Variants in ITGA2 observed in about 807,000 individuals in gnomAD.
ITGA2 encodes the protein integrin subunit alpha 2.
ITGA2 carries 101 observed loss-of-function variants against 146.3 expected under a neutral mutation model. That is an observed-to-expected ratio of 0.69 (90% CI 0.59 to 0.81). ITGA2 has a LOEUF of 0.81. Ranked by LOEUF, ITGA2 falls within the 40% of genes least tolerant of loss-of-function variation. ITGA2 has a pLI of 0.00. For synonymous variants in ITGA2, 477 were observed against 487.1 expected, an observed-to-expected ratio of 0.98 and a Z score of 0.27; for missense variants, 1,281 against 1,402.7, an observed-to-expected ratio of 0.91 and a Z score of 1.39.
rs117617965 is a variant in ITGA2 at position 53,047,060 on chromosome 5, A to G, written c.388-1303A>G. On this transcript the variant is annotated intron_variant, in intron 4 of 29. Transcript: ENST00000296585. ...AAGACATTAATAATGACTTTCTTCTAATTAATTGGCAAAATAAATCAGTTT... is the reference window on the plus strand; with the variant it reads ...AAGACATTAATAATGACTTTCTTCTGATTAATTGGCAAAATAAATCAGTTT... Among the ~76,000 whole-genome samples the G allele has an allele frequency of 1.2e-3, 185 of 152,346 alleles. 1 individual carries two copies. The South Asian group carries it at 0.027, about 22-fold the overall frequency.
rs116477735 is a variant in ITGA2, at chr5:52,990,977, G to A, written c.64+1445G>A. Among the ~76,000 whole-genome samples, 126 of 152,250 alleles carry A rather than the reference G, an allele frequency of 8.3e-4. 1 individual carries two copies. The highest frequency in any genetic ancestry group is 1.5e-3 in the Non-Finnish European group (100 of 68,026). On this transcript the variant is annotated intron_variant, in intron 1 of 29. Coordinates refer to ENST00000296585, the MANE Select transcript of ITGA2 (RefSeq NM_002203.4). ...TAATTACCCAGTATTAAAATAAGCT[G>A]TGGAAACATAACATCATTTTCTTAT...
At position 53,090,717 on chromosome 5, in the gene ITGA2, C is replaced by A; in HGVS notation, c.*118C>A. 1.4e-6 allele frequency: 1 copy of A among 731,006 alleles called. No homozygotes were observed. Among genetic ancestry groups the A allele is most frequent in the African/African-American group, 2.1e-5 (1 of 47,676 alleles). 45.3% of individuals were successfully genotyped at this position (731,006 alleles called of 1,614,324 possible). ...TTTATCATGTCGTAGGTAAACTAACCTGGTATTTTAAGAGAAAACTGCAGG... is the reference window on the plus strand; with the variant it reads ...TTTATCATGTCGTAGGTAAACTAACATGGTATTTTAAGAGAAAACTGCAGG... On this transcript the variant is annotated 3_prime_UTR_variant, in exon 30 of 30. Coordinates refer to ENST00000296585, the MANE Select transcript of ITGA2 (RefSeq NM_002203.4).
At chr5:53,016,968 C>T (rs1366360155) in intron 1 of ITGA2, among the ~76,000 whole-genome samples, 2 of 152,150 alleles carry the variant, frequency 1.3e-5, no homozygotes, top group African/African-American at 4.8e-5. Flanking sequence ...GTCATTTTGT[C>T]TTTCAGCTCC....
intron 1 of ITGA2, among the ~76,000 whole-genome samples, chr5:53,020,308 A>C (rs1464193794): frequency 1.3e-5 from 2 of 152,194 alleles, no homozygotes; most frequent in African/African-American, 4.8e-5. Context: ...GATATGAACA[A>C]GTTTATACAA....
intron 28 of ITGA2, among the ~76,000 whole-genome samples, chr5:53,087,326 C>CT (rs974750436): frequency 1.3e-5 from 2 of 152,142 alleles, no homozygotes; most frequent in African/African-American, 4.8e-5. Flanking sequence ...GCTCTATGTT[C>CT]TTTGGGACTC....
At chr5:52,995,353 G>A (rs189497044) in intron 1 of ITGA2, among the ~76,000 whole-genome samples, 49 of 152,266 alleles carry the variant, frequency 3.2e-4, no homozygotes, top group Admixed American at 1.0e-3. Flanking sequence ...ATATGTTTGG[G>A]TTTTAGTTTT....
intron 9 of ITGA2, among the ~76,000 whole-genome samples, chr5:53,057,170 A>G (rs908446652): frequency 3.0e-4 from 45 of 152,008 alleles, no homozygotes; most frequent in African/African-American, 1.0e-3. Flanking sequence ...AACAATTGCA[A>G]TCTACAAGCT....
At chr5:53,078,191 A>G (rs1191488726) in intron 23 of ITGA2, among the ~76,000 whole-genome samples, 2 of 152,118 alleles carry the variant, frequency 1.3e-5, no homozygotes, top group Non-Finnish European at 2.9e-5. Context: ...ATCCATCTTA[A>G]AGGTGGTCTC....
intron 28 of ITGA2, among the ~76,000 whole-genome samples, chr5:53,088,523 T>C (rs1338804932): frequency 6.6e-6 from 1 of 151,846 alleles, no homozygotes; most frequent in Non-Finnish European, 1.5e-5. Flanking sequence ...CTGTCTCTAC[T>C]AAAAATACAA....
At chr5:52,992,064 C>T (rs1740986236) in intron 1 of ITGA2, among the ~76,000 whole-genome samples, 1 of 152,208 alleles carries the variant, frequency 6.6e-6, no homozygotes, top group African/African-American at 2.4e-5. Context: ...ACTCATCCCT[C>T]TTCAGTGCAC....
In ITGA2 at chr5:53,075,363, T is replaced by C. The variant is rs762348977; in HGVS notation, c.2825+59T>C. The C allele has an allele frequency of 7.1e-5, 100 of 1,399,064 alleles. 1 individual carries two copies. Among genetic ancestry groups the C allele is most frequent in the Non-Finnish European group, 9.6e-5 (95 of 986,736 alleles). The allele number at this position is 1,399,064 out of a possible 1,614,324, so 86.7% of individuals were successfully genotyped here. A position where few individuals can be genotyped will look rare whatever the true frequency, so the allele number is the denominator to read the frequency against. ...ACACCAACTCTAGATCAGAAGATTT[T>C]TGGCTCATGGCTAAAGAAGTCCTCT... On this transcript the variant is annotated intron_variant, in intron 23 of 29. Coordinates refer to ENST00000296585, the MANE Select transcript of ITGA2 (RefSeq NM_002203.4).
At position 53,033,256 on chromosome 5, in the gene ITGA2, G is replaced by A. The variant is rs556828072; in HGVS notation, c.185+6388G>A. Among the ~76,000 whole-genome samples, 9 of 141,116 alleles carry A rather than the reference G, an allele frequency of 6.4e-5. No individual in the cohort carries two copies. In the South Asian group the frequency reaches 1.9e-3, roughly 29 times the overall value. The allele number at this position is 141,116 out of a possible 152,430, so 92.6% of individuals were successfully genotyped here. A position where few individuals can be genotyped will look rare whatever the true frequency, so the allele number is the denominator to read the frequency against. On this transcript the variant is annotated intron_variant, in intron 2 of 29. Transcript: ENST00000296585. ...TGCAGTCTAGCCTTGGCAACAGAGG[G>A]AGATTCCATCTCAAAAAAAAAACTG... is the stretch of plus-strand genomic sequence containing the variant.
At chr5:53,032,424 A>G (rs1204631756) in intron 2 of ITGA2, among the ~76,000 whole-genome samples, 1 of 152,118 alleles carries the variant, frequency 6.6e-6, no homozygotes, top group Non-Finnish European at 1.5e-5. Context: ...ACCCATAATT[A>G]CTCTAGGAGC....
intron 1 of ITGA2, among the ~76,000 whole-genome samples, chr5:53,003,388 A>G (rs1036430984): frequency 2.6e-5 from 4 of 152,122 alleles, no homozygotes; most frequent in Admixed American, 6.5e-5. Context: ...TGAAACCACA[A>G]CCTCACTTAT....
chr5:53,084,959 A>G (rs569664766), intron 27 of ITGA2, among the ~76,000 whole-genome samples: 3 of 152,316 alleles, frequency 2.0e-5, no homozygotes, highest in Admixed American at 2.0e-4. Flanking sequence ...AAAGTGTAGT[A>G]TTTATGCTGC....
chr5:53,054,370 C>A (rs2111936694), intron 7 of ITGA2, among the ~76,000 whole-genome samples: 1 of 152,242 alleles, frequency 6.6e-6, no homozygotes, highest in Non-Finnish European at 1.5e-5. Flanking sequence ...CGACTGCCTT[C>A]TTAAAGTATT....
In ITGA2 at chr5:53,048,770, G is replaced by C. The variant is rs1456146528; in HGVS notation, c.630G>C (p.Gln210His). The change falls in exon 6 of 30, where the codon CAG becomes CAC. Residue 210 changes from glutamine (Q) to histidine (H), a missense_variant and splice_region_variant. This residue lies in a region of ITGA2 where 795 missense variants were observed against 841.7 expected (regional missense o/e 0.94). Coordinates refer to ENST00000296585, the MANE Select transcript of ITGA2 (RefSeq NM_002203.4). The part of the protein sequence containing the change: ...QGLDIGPTKT[Q>H]VGLIQYANNP... ...TGGATATAGGCCCCACAAAGACACA[G>C]GTATGGCTAACAGAAATGCATAACT... 6.2e-7 allele frequency: 1 copy of C among 1,613,768 alleles called. No individual in the cohort carries two copies. Among genetic ancestry groups the C allele is most frequent in the South Asian group, 1.1e-5 (1 of 91,052 alleles).
chr5:53,015,805 T>A (rs189490721), intron 1 of ITGA2, among the ~76,000 whole-genome samples: 22 of 152,314 alleles, frequency 1.4e-4, no homozygotes, highest in Admixed American at 1.1e-3. Context: ...GGTAGTTAGG[T>A]CTTCTGTTGA....
chr5:53,044,584 T>C (rs999117971), intron 3 of ITGA2, among the ~76,000 whole-genome samples: 3 of 151,968 alleles, frequency 2.0e-5, no homozygotes, highest in African/African-American at 7.3e-5. Context: ...AGCCAGATTC[T>C]ATCATAGGGC....
Sources: gnomAD v4.1 joint callset for allele counts (sites outside exome capture counted in the v4.1 genomes callset) on GRCh38, gnomAD v4.1.1 for gene constraint, gnomAD v4.1.1 regional missense constraint, MANE v1.5 for transcripts, NCBI Gene and HGNC (gene_info 2026-07-23, HGNC 2026-07-21) for gene names.